Variants in CNOT1 observed in about 807,000 individuals in gnomAD.
The protein encoded by CNOT1 is CCR4-NOT transcription complex subunit 1, also known as CCR4-associated factor 1.
A neutral mutation model predicts 273.8 loss-of-function variants in CNOT1; 15 were observed. The observed-to-expected ratio is 0.05, with a 90% CI of 0.04 to 0.08. CNOT1 has a LOEUF of 0.08. Ranked by LOEUF, CNOT1 falls within the 10% of genes least tolerant of loss-of-function variation. The pLI, the probability that CNOT1 is intolerant of heterozygous loss-of-function variation, is 1.00. For synonymous variants in CNOT1, 1,022 were observed against 1,005.5 expected (o/e 1.02, Z -0.31); for missense variants, 1,644 against 2,912.2 (o/e 0.56, Z 10.02).
intron 1 of CNOT1, among the ~76,000 whole-genome samples, chr16:58,619,445 T>G (rs78740601): frequency 6.6e-6 from 1 of 151,812 alleles, no homozygotes; most frequent in African/African-American, 2.4e-5. Context: ...TTTTTTTTTT[T>G]GAGACAGCGT....
chr16:58,557,083 T>A, intron 18 of CNOT1, 90 bp from the exon 19 acceptor site: 2 of 1,445,158 alleles, frequency 1.4e-6, no homozygotes, highest in Non-Finnish European at 1.8e-6. Flanking sequence ...GACAGACTTT[T>A]AAAATAAAGT....
intron 48 of CNOT1, 21 bp from the exon 49 acceptor site, chr16:58,521,057 C>A (rs757513240): frequency 5.6e-6 from 9 of 1,613,996 alleles, no homozygotes; most frequent in South Asian, 3.3e-5. Context: ...AAGACAGTTA[C>A]AAATCTCTGA....
At position 58,588,675 on chromosome 16, in the gene CNOT1, T is replaced by C. The variant is rs987436550; in HGVS notation, c.210+124A>G. On this transcript the variant is annotated intron_variant, in intron 3 of 48. Transcript: ENST00000317147. ...AAAAAAGGAAAAATCTAACACCTTT[T>C]CACCATCCAGCTACAATCACTTCCG... is the stretch of plus-strand genomic sequence containing the variant. The C allele has an allele frequency of 8.9e-6, 11 of 1,242,922 alleles. No homozygotes were observed. In the African/African-American group the frequency reaches 2.1e-4, roughly 23 times the overall value. 77.0% of individuals were successfully genotyped at this position (1,242,922 alleles called of 1,614,324 possible). A position where few individuals can be genotyped will look rare whatever the true frequency, so the allele number is the denominator to read the frequency against.
At chr16:58,550,711 T>C (rs560844496) in intron 24 of CNOT1, among the ~76,000 whole-genome samples, 2 of 152,172 alleles carry the variant, frequency 1.3e-5, no homozygotes, top group African/African-American at 4.8e-5. Context: ...CATACAGGAT[T>C]GGCAACCCTA....
chr16:58,560,853 C>T (rs1367039783), intron 16 of CNOT1, among the ~76,000 whole-genome samples: 1 of 152,058 alleles, frequency 6.6e-6, no homozygotes, highest in African/African-American at 2.4e-5. Flanking sequence ...GGTGAAACCC[C>T]GTCTCTACTA....
chr16:58,554,921 G>A (rs1284957844), intron 21 of CNOT1, among the ~76,000 whole-genome samples: 2 of 75,476 alleles, frequency 2.6e-5, no homozygotes, highest in Non-Finnish European at 4.9e-5. Context: ...GGGGGACAGA[G>A]CAAGACTCCA....
Position 58,525,995 on chromosome 16 carries a change from G to A in CNOT1, c.6597C>T (p.Asn2199=). 6.2e-7 allele frequency: 1 copy of A among 1,614,052 alleles called. No homozygotes were observed. The highest frequency in any genetic ancestry group is 1.3e-5 in the African/African-American group (1 of 75,054). The change falls in exon 45 of 49, where the codon AAC becomes AAT. Residue 2199 remains asparagine, a synonymous_variant. Coordinates refer to ENST00000317147, the MANE Select transcript of CNOT1 (RefSeq NM_016284.5). ...TTAAGCCAAACCAATTAACCTGTAG[G>A]TTGCTGCGCAGATCAGACAGGAAAG... is the stretch of plus-strand genomic sequence containing the variant. ...PVTFLSDLRS[N]LQVSNEPGNR... is the part of the protein sequence containing the mutation.
intron 1 of CNOT1, among the ~76,000 whole-genome samples, chr16:58,625,042 G>A (rs1227012352): frequency 1.3e-5 from 2 of 151,928 alleles, no homozygotes; most frequent in Non-Finnish European, 2.9e-5. Context: ...GAGCCCAGGA[G>A]TTCCAGACCA....
At chr16:58,578,961 T>A (rs761612148) in intron 12 of CNOT1, 22 bp from the exon 13 acceptor site, 1 of 1,608,404 alleles carries the variant, frequency 6.2e-7, no homozygotes, top group Admixed American at 1.7e-5. Flanking sequence ...GGAAGAAACA[T>A]GCTTTATCAA....
chr16:58,614,974 C>A (rs1393949970), intron 1 of CNOT1, among the ~76,000 whole-genome samples: 1 of 121,314 alleles, frequency 8.2e-6, no homozygotes, highest in East Asian at 2.0e-4. Flanking sequence ...TCCTGACGTG[C>A]TGGGATTACA....
chr16:58,559,062 C>T (rs1327317448), intron 17 of CNOT1, among the ~76,000 whole-genome samples: 1 of 152,196 alleles, frequency 6.6e-6, no homozygotes, highest in Non-Finnish European at 1.5e-5. Flanking sequence ...TACCTATATA[C>T]ACATAACCAG....
chr16:58,555,700 A>G, intron 20 of CNOT1, 84 bp downstream of exon 20: 2 of 1,585,260 alleles, frequency 1.3e-6, no homozygotes, highest in Non-Finnish European at 8.5e-7. Context: ...GGGCACTTTG[A>G]GCTGGATTTC....
intron 1 of CNOT1, among the ~76,000 whole-genome samples, chr16:58,628,598 T>G (rs1231838179): frequency 8.8e-6 from 1 of 113,530 alleles, no homozygotes; most frequent in African/African-American, 4.1e-5. Context: ...AATCACTGAC[T>G]TAAAAAAAAA....
chr16:58,565,207 A>G (rs1420682447), intron 16 of CNOT1, among the ~76,000 whole-genome samples: 1 of 152,004 alleles, frequency 6.6e-6, no homozygotes, highest in African/African-American at 2.4e-5. Context: ...CTGCCTCCTG[A>G]GTTCAGATGA....
chr16:58,613,154 C>A (rs928273465), intron 1 of CNOT1, among the ~76,000 whole-genome samples: 1 of 152,106 alleles, frequency 6.6e-6, no homozygotes, highest in African/African-American at 2.4e-5. Flanking sequence ...GCCTCGGGAT[C>A]CTAAGTAGCT....
Position 58,547,103 on chromosome 16 carries a change from T to G in CNOT1, c.3750+83A>C. ...TTAACTAGCTTTACCTCACAAGAAC[T>G]AAGAATATAATCTCTTGACCTCATG... is the stretch of plus-strand genomic sequence containing the variant. On this transcript the variant is annotated intron_variant, in intron 27 of 48. Transcript: ENST00000317147. This position sits in a 1 kb window ranked among gnomAD's most constrained non-coding sequence, Gnocchi z 4.0. 1.3e-6 allele frequency: 2 copies of G among 1,510,254 alleles called. No individual in the cohort carries two copies. The highest frequency in any genetic ancestry group is 1.8e-6 in the Non-Finnish European group (2 of 1,127,104). 93.6% of individuals were successfully genotyped at this position (1,510,254 alleles called of 1,614,324 possible).
chr16:58,553,581 A>G (rs1361919906), intron 22 of CNOT1, among the ~76,000 whole-genome samples: 1 of 152,226 alleles, frequency 6.6e-6, no homozygotes, highest in Non-Finnish European at 1.5e-5. Context: ...TAGAAAAGAT[A>G]ATCCAAGAAT....
intron 25 of CNOT1, chr16:58,548,395 ACTT>A: frequency 2.3e-6 from 1 of 442,736 alleles, no homozygotes; most frequent in Admixed American, 2.5e-5. Flanking sequence ...CTATATTTAA[ACTT>A]CTGTTTAAAA....
At chr16:58,522,508 C>CTT (rs71757881) in intron 47 of CNOT1, among the ~76,000 whole-genome samples, 425 of 151,686 alleles carry the variant, frequency 2.8e-3, no homozygotes, top group African/African-American at 9.7e-3. Context: ...CCATAGGTGA[C>CTT]TAATTAGGCA....
Sources: allele counts gnomAD v4.1 joint callset (sites outside exome capture counted in the v4.1 genomes callset), GRCh38; gene constraint gnomAD v4.1.1; non-coding constraint Gnocchi (gnomAD v3.1); transcripts MANE v1.5; gene names NCBI Gene and HGNC (gene_info 2026-07-23, HGNC 2026-07-21).